The following HIPK2 variants were observed in gnomAD, a reference collection of about 807,000 sequenced individuals.
HIPK2 encodes the protein homeodomain-interacting protein kinase 2.
A neutral mutation model predicts 113.7 loss-of-function variants in HIPK2; 27 were observed. The observed-to-expected ratio is 0.24, with a 90% CI of 0.17 to 0.33. HIPK2 has a LOEUF of 0.33. Among genes scored for constraint, HIPK2 ranks in the 10% least tolerant of loss-of-function variants. The pLI is 1.00. For synonymous variants in HIPK2, 631 were observed against 642.2 expected (o/e 0.98, Z 0.26); for missense variants, 1,257 against 1,588.0 (o/e 0.79, Z 3.54).
At chr7:139,763,313 G>T (rs1290202966) in intron 1 of HIPK2, among the ~76,000 whole-genome samples, 1 of 152,180 alleles carries the variant, frequency 6.6e-6, no homozygotes, top group Admixed American at 6.5e-5. Flanking sequence ...TGGGAAACTG[G>T]CTGGGGAAGG....
intron 9 of HIPK2, among the ~76,000 whole-genome samples, chr7:139,610,378 GATAA>G (rs1799772173): frequency 6.6e-6 from 1 of 152,214 alleles, no homozygotes; most frequent in African/African-American, 2.4e-5. Flanking sequence ...TTGCCACTCA[GATAA>G]AGTATGAAGA....
chr7:139,593,442 A>G (rs1006688725), intron 12 of HIPK2, among the ~76,000 whole-genome samples: 9 of 152,248 alleles, frequency 5.9e-5, no homozygotes, highest in Non-Finnish European at 1.2e-4. Context: ...CTGGCCAGCC[A>G]TCTGCTGTGC....
intron 1 of HIPK2, among the ~76,000 whole-genome samples, chr7:139,766,849 T>C (rs140548990): frequency 2.0e-5 from 3 of 152,354 alleles, no homozygotes; most frequent in African/African-American, 7.2e-5. Flanking sequence ...TGGCCCATTT[T>C]ATTCTGGGGC....
intron 2 of HIPK2, among the ~76,000 whole-genome samples, chr7:139,645,050 A>C (rs915135138): frequency 6.6e-6 from 1 of 152,268 alleles, no homozygotes; most frequent in African/African-American, 2.4e-5. Flanking sequence ...GGCCTCAATA[A>C]GTGTTTGCTG....
intron 2 of HIPK2, among the ~76,000 whole-genome samples, chr7:139,640,826 G>A (rs998406742): frequency 3.3e-5 from 5 of 151,944 alleles, no homozygotes; most frequent in Non-Finnish European, 5.9e-5. Flanking sequence ...ATGTTGCCCA[G>A]GCTCTTCTTG....
Position 139,748,551 on chromosome 7 carries a change from A to G in HIPK2, c.19+29054T>C, listed in dbSNP as rs140929891. ...CAATCTTTGCTGTTCCTTGGCTTCT[A>G]TGCCTATTAACCCAGTCTCTGCTTT... On this transcript the variant is annotated intron_variant, in intron 1 of 14. Transcript: ENST00000406875. 6.0e-3 allele frequency among the ~76,000 whole-genome samples: 908 copies of G among 151,634 alleles called. 12 individuals carry two copies. Among genetic ancestry groups the G allele is most frequent in the African/African-American group, 0.02 (812 of 41,348 alleles).
At chr7:139,574,747 A>G (rs751782073) in intron 14 of HIPK2, among the ~76,000 whole-genome samples, 1 of 152,138 alleles carries the variant, frequency 6.6e-6, no homozygotes, top group African/African-American at 2.4e-5. Context: ...CCTCCCTGCA[A>G]TGAGTCGGAT....
At position 139,777,646 on chromosome 7, in the gene HIPK2, C is replaced by G; in HGVS notation, c.-23G>C. The G allele has an allele frequency of 9.1e-7, 1 of 1,093,290 alleles. No homozygotes were observed. The highest frequency in any genetic ancestry group is 1.1e-6 in the Non-Finnish European group (1 of 897,930). The allele number at this position is 1,093,290 out of a possible 1,614,324, so 67.7% of individuals were successfully genotyped here. A position where few individuals can be genotyped will look rare whatever the true frequency, so the allele number is the denominator to read the frequency against. On this transcript the variant is annotated 5_prime_UTR_variant, in exon 1 of 15. It removes an upstream start codon present in the reference 5' UTR. Transcript: ENST00000406875. ...CATCGGGGCCGGGGTGTCCGCGGTT[C>G]ATGGCAACGGGGACGGGAAAGCGGC...
intron 2 of HIPK2, among the ~76,000 whole-genome samples, chr7:139,659,474 C>G (rs935691574): frequency 5.9e-5 from 9 of 152,354 alleles, no homozygotes; most frequent in Non-Finnish European, 1.0e-4. Context: ...AGACCCAGCA[C>G]AGACCCCCGG....
At chr7:139,702,485 A>G in intron 2 of HIPK2, among the ~76,000 whole-genome samples, 1 of 152,250 alleles carries the variant, frequency 6.6e-6, no homozygotes, top group Middle Eastern at 3.4e-3. Context: ...TAGAATGAGG[A>G]TACGTACCCC....
At chr7:139,664,325 G>T (rs1393581339) in intron 2 of HIPK2, among the ~76,000 whole-genome samples, 2 of 152,206 alleles carry the variant, frequency 1.3e-5, no homozygotes, top group East Asian at 3.9e-4. Flanking sequence ...ATCACCTGAG[G>T]TCAGGAGTTC....
intron 1 of HIPK2, among the ~76,000 whole-genome samples, chr7:139,725,233 C>T (rs1346099731): frequency 2.6e-5 from 4 of 152,164 alleles, no homozygotes; most frequent in African/African-American, 9.7e-5. Flanking sequence ...CCAAAGTAAA[C>T]ACTAGAAGTT....
chr7:139,687,770 C>G lies in HIPK2; in HGVS notation c.1103+28162G>C, dbSNP rs151211102. 3.7e-3 allele frequency among the ~76,000 whole-genome samples: 567 copies of G among 152,322 alleles called. 4 individuals carry two copies. Among genetic ancestry groups the G allele is most frequent in the African/African-American group, 0.012 (490 of 41,586 alleles). ...AGGCAGTACAGGGCAGAGGAACCAG[C>G]TCTTCCTGTCCCAGGCTAAACACAA... On this transcript the variant is annotated intron_variant, in intron 2 of 14. Transcript: ENST00000406875.
At chr7:139,709,273 A>G (rs1326442270) in intron 2 of HIPK2, among the ~76,000 whole-genome samples, 1 of 152,228 alleles carries the variant, frequency 6.6e-6, no homozygotes, top group Admixed American at 6.5e-5. Context: ...TGTTGTTTCT[A>G]TTAGTAAAAG....
In HIPK2 at chr7:139,683,700, T is replaced by C. The variant is rs1471379145; in HGVS notation, c.1103+32232A>G. 1.3e-5 allele frequency among the ~76,000 whole-genome samples: 2 copies of C among 152,136 alleles called. No homozygotes were observed. The highest frequency in any genetic ancestry group is 6.5e-5 in the Admixed American group (1 of 15,286). On this transcript the variant is annotated intron_variant, in intron 2 of 14. Coordinates refer to ENST00000406875, the MANE Select transcript of HIPK2 (RefSeq NM_022740.5). This position sits in a 1 kb window ranked among gnomAD's most constrained non-coding sequence, Gnocchi z 4.2. The stretch of plus-strand genomic sequence containing the variant: ...TACCCTGGCAATGGCATTCATACCA[T>C]TGGCAGGCAATGGCATGTCATACAG...
At chr7:139,637,882 G>A (rs1218813166) in intron 2 of HIPK2, among the ~76,000 whole-genome samples, 1 of 152,136 alleles carries the variant, frequency 6.6e-6, no homozygotes, top group Non-Finnish European at 1.5e-5. Flanking sequence ...CTGAGGCTCA[G>A]AGAGGGGCAC....
At chr7:139,705,095 G>A (rs1338696972) in intron 2 of HIPK2, among the ~76,000 whole-genome samples, 1 of 152,170 alleles carries the variant, frequency 6.6e-6, no homozygotes. Flanking sequence ...TACGATGCTG[G>A]GCCTCCAGGC....
intron 1 of HIPK2, among the ~76,000 whole-genome samples, chr7:139,750,862 G>T (rs926314674): frequency 6.6e-6 from 1 of 152,150 alleles, no homozygotes; most frequent in African/African-American, 2.4e-5. Context: ...TTGAGGACCT[G>T]GTGCACCTTC....
At chr7:139,586,143 G>A (rs754787875) in intron 12 of HIPK2, among the ~76,000 whole-genome samples, 4 of 152,204 alleles carry the variant, frequency 2.6e-5, no homozygotes, top group African/African-American at 9.6e-5. Context: ...GGTGAGGAAT[G>A]AATTGGTTGC....
Sources: allele counts gnomAD v4.1 joint callset (sites outside exome capture counted in the v4.1 genomes callset), GRCh38; gene constraint gnomAD v4.1.1; non-coding constraint Gnocchi (gnomAD v3.1); transcripts MANE v1.5; gene names NCBI Gene and HGNC (gene_info 2026-07-23, HGNC 2026-07-21).